EFNB2: variants seen among roughly 807,000 people sequenced by gnomAD.
EFNB2 encodes the protein ephrin-B2.
EFNB2 carries 5 observed loss-of-function variants against 32.1 expected under a neutral mutation model. That is an observed-to-expected ratio of 0.16 (90% CI 0.08 to 0.33). EFNB2 has a LOEUF of 0.33. Among genes scored for constraint, EFNB2 ranks in the 10% least tolerant of loss-of-function variants. The probability of loss-of-function intolerance (pLI) is 1.00; values close to 1 mark genes in which losing one functional copy is unlikely to be tolerated. For synonymous variants in EFNB2, 168 were observed against 166.5 expected, an observed-to-expected ratio of 1.01 and a Z score of -0.07; for missense variants, 263 against 422.6, an observed-to-expected ratio of 0.62 and a Z score of 3.31.
chr13:106,512,990 G>A (rs978726676), intron 1 of EFNB2, among the ~76,000 whole-genome samples, 178 bp from the exon 2 acceptor site: 1 of 152,152 alleles, frequency 6.6e-6, no homozygotes, highest in Non-Finnish European at 1.5e-5. Flanking sequence ...TTGGAATTAA[G>A]CTTTAAAAGA....
rs1055225956 is a variant in EFNB2 at position 106,493,915 on chromosome 13, G to C, written c.614-487C>G. On this transcript the variant is annotated intron_variant, in intron 4 of 4. Transcript: ENST00000646441. This position sits in a 1 kb window ranked among gnomAD's most constrained non-coding sequence, Gnocchi z 6.1. ...GCAGAACAGAACAGCTCGGGAACGCGGAAGGAGTGAGGGGGCCTGGGAAAA... is the reference window on the plus strand; with the variant it reads ...GCAGAACAGAACAGCTCGGGAACGCCGAAGGAGTGAGGGGGCCTGGGAAAA... Among the ~76,000 whole-genome samples, 2 of 152,214 alleles carry C rather than the reference G, an allele frequency of 1.3e-5. No homozygotes were observed. The highest frequency in any genetic ancestry group is 2.9e-5 in the Non-Finnish European group (2 of 68,044).
intron 2 of EFNB2, among the ~76,000 whole-genome samples, chr13:106,499,983 A>ATGT (rs2138905410): frequency 6.6e-6 from 1 of 152,330 alleles, no homozygotes; most frequent in African/African-American, 2.4e-5. Flanking sequence ...GAAACCACAC[A>ATGT]GCTGCCATCT....
chr13:106,496,170 T>C (rs555867772), intron 2 of EFNB2, among the ~76,000 whole-genome samples: 5 of 152,308 alleles, frequency 3.3e-5, no homozygotes, highest in East Asian at 1.9e-4. Flanking sequence ...ATGGACTCTT[T>C]TGGGGCCAAA....
intron 2 of EFNB2, among the ~76,000 whole-genome samples, chr13:106,505,376 G>A (rs914486603): frequency 8.5e-5 from 13 of 152,250 alleles, no homozygotes; most frequent in Admixed American, 5.2e-4. Context: ...TTTTGTTTCT[G>A]ACATTTGATG....
At chr13:106,495,190 G>A (rs1197037248) in intron 3 of EFNB2, among the ~76,000 whole-genome samples, 196 bp from the exon 4 acceptor site, 4 of 152,226 alleles carry the variant, frequency 2.6e-5, no homozygotes, top group Non-Finnish European at 5.9e-5. Context: ...TTTAGAACGT[G>A]AGGCCATCTG....
rs556872932 is a variant in EFNB2, at chr13:106,524,989, G to A, written c.122+9854C>T. ...TTATGCTATAGTCTTTATTAACAGA[G>A]TATTTTAATTTTTTCCTTGTATGCA... On this transcript the variant is annotated intron_variant, in intron 1 of 4. Coordinates refer to ENST00000646441, the MANE Select transcript of EFNB2 (RefSeq NM_004093.4). Among the ~76,000 whole-genome samples the A allele has an allele frequency of 5.3e-5, 8 of 152,296 alleles. No individual in the cohort carries two copies. The East Asian group carries it at 1.3e-3, about 26-fold the overall frequency.
intron 1 of EFNB2, among the ~76,000 whole-genome samples, chr13:106,513,968 G>A (rs1307244469): frequency 6.6e-6 from 1 of 152,208 alleles, no homozygotes; most frequent in Non-Finnish European, 1.5e-5. Context: ...AATAGTTTAT[G>A]ATTTATGCTA....
In EFNB2 at chr13:106,534,899, A is replaced by T. The variant is rs747774622; in HGVS notation, c.66T>A (p.Thr22=). The T allele has an allele frequency of 9.3e-6, 15 of 1,613,730 alleles. No individual in the cohort carries two copies. The Admixed American group carries it at 1.8e-4, about 20-fold the overall frequency. Reference sequence around the variant, plus strand: ...CTAAAACTATCGATTTGGAAATCGCAGTTCTGCATAAAACCATCAAAACAC... The same window carrying T: ...CTAAAACTATCGATTTGGAAATCGCTGTTCTGCATAAAACCATCAAAACAC... The part of the protein sequence containing the change: ...CWGVLMVLCR[T]AISKSIVLEP... Residue 22 remains threonine, a synonymous_variant, in exon 1 of 5, where the codon ACT becomes ACA. Transcript: ENST00000646441.
At chr13:106,532,339 C>T (rs1292403967) in intron 1 of EFNB2, among the ~76,000 whole-genome samples, 1 of 152,152 alleles carries the variant, frequency 6.6e-6, no homozygotes, top group Admixed American at 6.5e-5. Context: ...AAAAAGCTGA[C>T]CTCTGAATGA....
chr13:106,500,666 C>T (rs1040989668), intron 2 of EFNB2, among the ~76,000 whole-genome samples: 1 of 152,194 alleles, frequency 6.6e-6, no homozygotes, highest in Non-Finnish European at 1.5e-5. Flanking sequence ...AACCACAAAA[C>T]AAGTAGCATT....
intron 2 of EFNB2, chr13:106,509,731 G>A (rs958062722): frequency 2.0e-5 from 3 of 150,310 alleles, no homozygotes; most frequent in African/African-American, 7.4e-5. Flanking sequence ...TTGGTGTCTT[G>A]GAACTTATGC....
intron 2 of EFNB2, 61 bp downstream of exon 2, chr13:106,512,468 G>A: frequency 9.7e-7 from 1 of 1,027,208 alleles, no homozygotes; most frequent in Admixed American, 4.2e-5. Context: ...ACAAAAAATT[G>A]ATACAAACCT....
intron 1 of EFNB2, among the ~76,000 whole-genome samples, chr13:106,515,617 T>C (rs1186660255): frequency 6.6e-6 from 1 of 152,216 alleles, no homozygotes; most frequent in South Asian, 2.1e-4. Context: ...ATTAAATCAA[T>C]ACAAAAGGCC....
rs534370630 is a variant in EFNB2 at position 106,524,030 on chromosome 13, T to G, written c.122+10813A>C. Among the ~76,000 whole-genome samples, 22 of 152,340 alleles carry G rather than the reference T, an allele frequency of 1.4e-4. No homozygotes were observed. In the South Asian group the frequency reaches 4.3e-3, roughly 30 times the overall value. On this transcript the variant is annotated intron_variant, in intron 1 of 4. Coordinates refer to ENST00000646441, the MANE Select transcript of EFNB2 (RefSeq NM_004093.4). ...GTTACCAAAGGAATACTACTCAATA[T>G]ATGCATGACTATTATGTATTGTAAT...
At chr13:106,499,129 T>C (rs1167087492) in intron 2 of EFNB2, among the ~76,000 whole-genome samples, 1 of 152,130 alleles carries the variant, frequency 6.6e-6, no homozygotes, top group Non-Finnish European at 1.5e-5. Flanking sequence ...TAATTCAAAA[T>C]GACTTCAGTC....
intron 1 of EFNB2, among the ~76,000 whole-genome samples, chr13:106,526,487 C>G (rs1361856212): frequency 6.6e-6 from 1 of 152,124 alleles, no homozygotes; most frequent in African/African-American, 2.4e-5. Flanking sequence ...AAAGAGATCA[C>G]TCTTGATCTA....
Position 106,535,138 on chromosome 13 carries a change from C to T in EFNB2, c.-174G>A, listed in dbSNP as rs375673860. 53 of 597,562 alleles carry T rather than the reference C, an allele frequency of 8.9e-5. No homozygotes were observed. In the East Asian group the frequency reaches 2.9e-3, roughly 32 times the overall value. The allele number at this position is 597,562 out of a possible 1,614,324, so 37.0% of individuals were successfully genotyped here. On this transcript the variant is annotated 5_prime_UTR_variant, in exon 1 of 5. Transcript: ENST00000646441. Reference sequence around the variant, plus strand: ...TCGCCGGGCCAGGTGCGCTCGCTCTCCGGGGCCCTCAGGGCGCGGGGCGGG... The same window carrying T: ...TCGCCGGGCCAGGTGCGCTCGCTCTTCGGGGCCCTCAGGGCGCGGGGCGGG...
chr13:106,497,405 T>C (rs769880645), intron 2 of EFNB2, among the ~76,000 whole-genome samples: 1 of 151,362 alleles, frequency 6.6e-6, no homozygotes, highest in Non-Finnish European at 1.5e-5. Context: ...AAGCAGACAG[T>C]ATCTGTTTGT....
intron 2 of EFNB2, among the ~76,000 whole-genome samples, chr13:106,497,513 AT>A (rs1308252659): frequency 1.3e-5 from 2 of 152,086 alleles, no homozygotes; most frequent in Non-Finnish European, 2.9e-5. Context: ...TCTAAAAAAA[AT>A]CTTTTTAATT....
Sources: gnomAD v4.1 joint callset for allele counts (sites outside exome capture counted in the v4.1 genomes callset) on GRCh38, gnomAD v4.1.1 for gene constraint, Gnocchi (gnomAD v3.1) non-coding constraint, MANE v1.5 for transcripts, NCBI Gene and HGNC (gene_info 2026-07-23, HGNC 2026-07-21) for gene names.